Variants in DYNC2I1 observed in about 807,000 individuals in gnomAD.
The protein encoded by DYNC2I1 is cytoplasmic dynein 2 intermediate chain 1.
Under a neutral mutation model 133.4 loss-of-function variants are expected in DYNC2I1, and 89 were observed. The ratio of observed to expected loss-of-function variants is 0.67; its 90% CI spans 0.56 to 0.80. The LOEUF (loss-of-function observed/expected upper bound fraction) is 0.80, where lower values mean the gene tolerates loss of function less well. Among genes scored for constraint, DYNC2I1 ranks in the 30% least tolerant of loss-of-function variants. The pLI, the probability that DYNC2I1 is intolerant of heterozygous loss-of-function variation, is 0.00. For synonymous variants in DYNC2I1, 504 were observed against 484.3 expected (o/e 1.04, Z -0.54); for missense variants, 1,291 against 1,314.5 (o/e 0.98, Z 0.28).
At chr7:158,844,080 A>C in the DYNC2I1 span, among the ~76,000 whole-genome samples, 1 of 152,182 alleles carries the variant, frequency 6.6e-6, no homozygotes, top group Admixed American at 6.5e-5. Flanking sequence ...TAAAGTAAGC[A>C]TGTGAATTAC....
intron 1 of DYNC2I1, among the ~76,000 whole-genome samples, chr7:158,858,657 T>C (rs1240847626): frequency 6.6e-6 from 1 of 152,176 alleles, no homozygotes; most frequent in Admixed American, 6.5e-5. Flanking sequence ...CTTTATGTTC[T>C]CATCAGGACA....
intron 7 of DYNC2I1, among the ~76,000 whole-genome samples, chr7:158,890,794 G>C (rs1845131856): frequency 6.6e-6 from 1 of 152,030 alleles, no homozygotes; most frequent in Non-Finnish European, 1.5e-5. Flanking sequence ...GGCTGGTCTT[G>C]AACTCCTGAC....
rs554770088 is a variant in DYNC2I1 at position 158,943,870 on chromosome 7, C to T, written c.3003-1711C>T. 1.2e-3 allele frequency among the ~76,000 whole-genome samples: 181 copies of T among 152,240 alleles called. 4 individuals carry two copies. In the South Asian group the frequency reaches 0.034, roughly 29 times the overall value. On this transcript the variant is annotated intron_variant, in intron 24 of 24. Transcript: ENST00000407559. ...CTAACCCCTCAGCAGTGCCGGACGC[C>T]GGGTCAACCCTGTCCATCTGTCAGG... is the stretch of plus-strand genomic sequence containing the variant.
At chr7:158,862,967 A>T (rs921258750) in intron 1 of DYNC2I1, among the ~76,000 whole-genome samples, 2 of 151,870 alleles carry the variant, frequency 1.3e-5, no homozygotes, top group Non-Finnish European at 2.9e-5. Flanking sequence ...TGACTTCAGG[A>T]GTGAAGCCCC....
intron 1 of DYNC2I1, among the ~76,000 whole-genome samples, chr7:158,863,428 C>T (rs548181296): frequency 6.4e-4 from 97 of 152,134 alleles, no homozygotes; most frequent in African/African-American, 2.2e-3. Context: ...CACCTCTGGG[C>T]ACCACTGAAC....
At chr7:158,909,985 C>G (rs62476466) in intron 11 of DYNC2I1, among the ~76,000 whole-genome samples, 3,338 of 152,124 alleles carry the variant, frequency 0.022, 58 homozygotes, top group Admixed American at 0.052. Flanking sequence ...AGAGCAGACC[C>G]GGTGGCCGAG....
At chr7:158,955,212 G>C (rs1852169158) in intron 4 of DYNC2I1, among the ~76,000 whole-genome samples, 1 of 152,204 alleles carries the variant, frequency 6.6e-6, no homozygotes, top group South Asian at 2.1e-4. Flanking sequence ...TTTACTCTCT[G>C]TTCATGCCGT....
At chr7:158,876,555 T>G (rs929665680) in intron 3 of DYNC2I1, 54 bp from the exon 4 acceptor site, 3 of 1,492,370 alleles carry the variant, frequency 2.0e-6, no homozygotes, top group South Asian at 1.4e-5. Context: ...GTTAAAAGAG[T>G]TTTTTGATGT....
chr7:158,910,025 C>T (rs1237733256), intron 11 of DYNC2I1, among the ~76,000 whole-genome samples: 2 of 152,086 alleles, frequency 1.3e-5, no homozygotes, highest in African/African-American at 2.4e-5. Context: ...GTCGTTCACT[C>T]GGTCATTCAC....
chr7:158,856,147 C>G (rs1221693080), upstream of DYNC2I1, among the ~76,000 whole-genome samples: 1 of 151,774 alleles, frequency 6.6e-6, no homozygotes, highest in Non-Finnish European at 1.5e-5. Context: ...GGGGTTTCAC[C>G]GTGTTAGCCA....
chr7:158,857,548 T>G (rs899913923), intron 1 of DYNC2I1, among the ~76,000 whole-genome samples: 14 of 148,666 alleles, frequency 9.4e-5, no homozygotes, highest in Admixed American at 9.3e-4. Context: ...TTGTTTTTTT[T>G]TTTTTTTTGA....
At chr7:158,911,728 G>T (rs773668937) in intron 12 of DYNC2I1, 49 bp downstream of exon 12, 4 of 1,561,440 alleles carry the variant, frequency 2.6e-6, no homozygotes, top group Non-Finnish European at 2.6e-6. Context: ...GTAAAGTCTA[G>T]TAGGATAACT....
intron 7 of DYNC2I1, among the ~76,000 whole-genome samples, chr7:158,890,098 T>C (rs978797841): frequency 6.6e-6 from 1 of 151,082 alleles, no homozygotes; most frequent in African/African-American, 2.4e-5. Context: ...TCCTCTTGCC[T>C]CAGCCTCCTA....
chr7:158,925,564 A>C (rs147595368), intron 17 of DYNC2I1, among the ~76,000 whole-genome samples: 1 of 151,918 alleles, frequency 6.6e-6, no homozygotes, highest in Non-Finnish European at 1.5e-5. Context: ...GCGTTTTTCT[A>C]CTTGTAGACA....
At chr7:158,848,793 A>G in the DYNC2I1 span, among the ~76,000 whole-genome samples, 12 of 152,054 alleles carry the variant, frequency 7.9e-5, no homozygotes, top group Admixed American at 3.3e-4. Flanking sequence ...GCATGGTGGC[A>G]GGCGCCTGTA....
chr7:158,942,751 CG>C (rs912513374), intron 24 of DYNC2I1, among the ~76,000 whole-genome samples: 5 of 152,212 alleles, frequency 3.3e-5, no homozygotes, highest in African/African-American at 2.4e-5. Flanking sequence ...GTCCACATGA[CG>C]CCACACTAAA....
At chr7:158,843,346 C>T in the DYNC2I1 span, among the ~76,000 whole-genome samples, 158 of 152,304 alleles carry the variant, frequency 1.0e-3, no homozygotes, top group African/African-American at 3.7e-3. Flanking sequence ...CTGCAACCTC[C>T]ACCTCTCAGG....
chr7:158,918,313 C>A (rs560225260), intron 14 of DYNC2I1, among the ~76,000 whole-genome samples: 1 of 152,062 alleles, frequency 6.6e-6, no homozygotes, highest in East Asian at 1.9e-4. Flanking sequence ...TCTCTTTCTG[C>A]CCTGTCAAAT....
chr7:158,892,117 C>T (rs1845286453), intron 8 of DYNC2I1, among the ~76,000 whole-genome samples: 1 of 152,206 alleles, frequency 6.6e-6, no homozygotes, highest in South Asian at 2.1e-4. Flanking sequence ...ACTGTCTCCT[C>T]ACCTGGCTGA....
Sources: allele counts gnomAD v4.1 joint callset (sites outside exome capture counted in the v4.1 genomes callset), GRCh38; gene constraint gnomAD v4.1.1; transcripts MANE v1.5; gene names NCBI Gene and HGNC (gene_info 2026-07-23, HGNC 2026-07-21).